ASTN2: variants seen among roughly 807,000 people sequenced by gnomAD.
ASTN2 encodes astrotactin-2.
ASTN2 carries 54 observed loss-of-function variants against 139.8 expected under a neutral mutation model. The ratio of observed to expected loss-of-function variants is 0.39; its 90% CI spans 0.31 to 0.48. The LOEUF is 0.48. ASTN2 is among the 20% of genes least tolerant of loss of function. The pLI is 0.95. For missense variants in ASTN2, 1,565 were observed against 1,725.1 expected (o/e 0.91, Z 1.64); for synonymous variants, 756 against 719.5 (o/e 1.05, Z -0.81).
intron 11 of ASTN2, among the ~76,000 whole-genome samples, chr9:116,858,655 A>G (rs567246887): frequency 3.3e-5 from 5 of 152,312 alleles, no homozygotes; most frequent in African/African-American, 1.2e-4. Context: ...TTTCTAATAT[A>G]CAACAATTTT....
intron 5 of ASTN2, among the ~76,000 whole-genome samples, chr9:117,084,748 G>C (rs1013384892): frequency 1.3e-5 from 2 of 152,232 alleles, no homozygotes; most frequent in Non-Finnish European, 2.9e-5. Context: ...ATGGGAATTG[G>C]AATGTGTTGT....
chr9:116,513,239 T>G (rs1195629670), intron 19 of ASTN2, among the ~76,000 whole-genome samples: 1 of 152,190 alleles, frequency 6.6e-6, no homozygotes, highest in Non-Finnish European at 1.5e-5. Context: ...ATAAAGGATT[T>G]TATTTCTCCT....
At chr9:117,198,602 A>C (rs138053256) in intron 3 of ASTN2, among the ~76,000 whole-genome samples, 2 of 152,286 alleles carry the variant, frequency 1.3e-5, no homozygotes, top group Admixed American at 6.5e-5. Flanking sequence ...CAATAAACAT[A>C]CATGTGCATG....
At chr9:116,626,796 C>G (rs928449412) in intron 17 of ASTN2, among the ~76,000 whole-genome samples, 1 of 152,066 alleles carries the variant, frequency 6.6e-6, no homozygotes, top group South Asian at 2.1e-4. Flanking sequence ...TGTAGTTGAT[C>G]AGGACGGAAT....
At chr9:117,135,366 G>A (rs1478828252) in intron 4 of ASTN2, among the ~76,000 whole-genome samples, 1 of 152,178 alleles carries the variant, frequency 6.6e-6, no homozygotes, top group Non-Finnish European at 1.5e-5. Flanking sequence ...TGTGTGATGG[G>A]CAAGGTGCCT....
chr9:117,344,188 A>AC (rs1829146451), intron 1 of ASTN2, among the ~76,000 whole-genome samples: 2 of 151,880 alleles, frequency 1.3e-5, no homozygotes, highest in Admixed American at 1.3e-4. Context: ...ACGTGGAGAA[A>AC]AAAAAACCCA....
chr9:116,791,014 A>G (rs1296441685), intron 13 of ASTN2, among the ~76,000 whole-genome samples: 2 of 128,068 alleles, frequency 1.6e-5, no homozygotes, highest in African/African-American at 2.9e-5. Flanking sequence ...AAAGAAAGAA[A>G]GAAAGAAAGA....
intron 4 of ASTN2, among the ~76,000 whole-genome samples, chr9:117,104,673 GT>G (rs1199312819): frequency 1.3e-5 from 2 of 152,156 alleles, no homozygotes; most frequent in Admixed American, 6.5e-5. Flanking sequence ...TGTTACGGTG[GT>G]TTTTCTCTGG....
At chr9:117,070,550 A>T (rs1001295439) in intron 5 of ASTN2, among the ~76,000 whole-genome samples, 3 of 140,520 alleles carry the variant, frequency 2.1e-5, no homozygotes, top group East Asian at 2.1e-4. Flanking sequence ...AATCTGAACG[A>T]TGGCCTGCCT....
intron 14 of ASTN2, among the ~76,000 whole-genome samples, chr9:116,732,940 C>T (rs1024834790): frequency 1.3e-5 from 2 of 152,126 alleles, no homozygotes; most frequent in African/African-American, 2.4e-5. Context: ...ACAGTGCCCA[C>T]GTACAAAAAC....
intron 10 of ASTN2, among the ~76,000 whole-genome samples, chr9:116,910,373 GA>G (rs1422979134): frequency 6.6e-6 from 1 of 152,132 alleles, no homozygotes; most frequent in African/African-American, 2.4e-5. Context: ...CGCGTGATAG[GA>G]TTTAGCAGCA....
intron 4 of ASTN2, among the ~76,000 whole-genome samples, chr9:117,126,993 G>A (rs755922598): frequency 1.3e-5 from 2 of 152,166 alleles, no homozygotes; most frequent in Non-Finnish European, 2.9e-5. Context: ...TTGGGGAAAT[G>A]GGAATTAGTC....
intron 11 of ASTN2, among the ~76,000 whole-genome samples, chr9:116,848,346 T>C (rs997785710): frequency 2.1e-4 from 32 of 152,138 alleles, no homozygotes; most frequent in African/African-American, 7.5e-4. Context: ...CAGGGAGGTA[T>C]TTGGGGAAAA....
intron 16 of ASTN2, among the ~76,000 whole-genome samples, chr9:116,709,665 A>G (rs1828091110): frequency 6.6e-6 from 1 of 152,204 alleles, no homozygotes; most frequent in Non-Finnish European, 1.5e-5. Flanking sequence ...ATATATATAT[A>G]CTTATACTCA....
intron 19 of ASTN2, among the ~76,000 whole-genome samples, chr9:116,565,427 A>ATATATTTATT (rs1554714243): frequency 5.7e-4 from 42 of 73,984 alleles, no homozygotes; most frequent in Middle Eastern, 7.9e-3. Context: ...ATATATATAT[A>ATATATTTATT]TATTTATTTA....
rs1264953984 is a variant in ASTN2, at chr9:117,143,783, G to A, written c.1016-2305C>T. Among the ~76,000 whole-genome samples the A allele has an allele frequency of 2.6e-5, 4 of 151,660 alleles. No individual in the cohort carries two copies. The East Asian group carries it at 5.8e-4, about 22-fold the overall frequency. On this transcript the variant is annotated intron_variant, in intron 3 of 22. Transcript: ENST00000313400. ...TCCTCCCTGTGTCCTCACTCGGTGG[G>A]GGAGCAGGGAAAGAGAGAGAGAAAG... is the stretch of plus-strand genomic sequence containing the variant.
intron 6 of ASTN2, among the ~76,000 whole-genome samples, chr9:117,017,776 A>G (rs186230489): frequency 2.6e-5 from 4 of 152,138 alleles, no homozygotes; most frequent in Admixed American, 2.6e-4. Context: ...ACATATTACT[A>G]TATATTTTGC....
At chr9:117,123,786 C>T (rs1829618482) in intron 4 of ASTN2, among the ~76,000 whole-genome samples, 1 of 152,142 alleles carries the variant, frequency 6.6e-6, no homozygotes. Flanking sequence ...CTCTCCTCAG[C>T]CCTCTTCTCC....
chr9:116,726,305 A>C (rs1348539134), intron 15 of ASTN2, among the ~76,000 whole-genome samples: 1 of 152,198 alleles, frequency 6.6e-6, no homozygotes, highest in Non-Finnish European at 1.5e-5. Flanking sequence ...TAGATGTTTC[A>C]CCCTCTTTAT....
Sources: gnomAD v4.1 joint callset for allele counts (sites outside exome capture counted in the v4.1 genomes callset) on GRCh38, gnomAD v4.1.1 for gene constraint, MANE v1.5 for transcripts, NCBI Gene and HGNC (gene_info 2026-07-23, HGNC 2026-07-21) for gene names.